The following COMMD1 variants were observed in gnomAD, a reference collection of about 807,000 sequenced individuals.
COMMD1 encodes the protein COMM domain-containing protein 1.
Under a neutral mutation model 17.2 loss-of-function variants are expected in COMMD1, and 10 were observed. That is an observed-to-expected ratio of 0.58 (90% confidence interval 0.36 to 0.99). The LOEUF (loss-of-function observed/expected upper bound fraction) is 0.99. COMMD1 is among the 50% of genes least tolerant of loss of function. COMMD1 has a pLI of 0.01. For missense variants in COMMD1, 270 were observed against 231.8 expected (o/e 1.17, Z -1.07); for synonymous variants, 97 against 91.6 (o/e 1.06, Z -0.34).
chr2:61,976,688 A>G (rs1011884681), intron 1 of COMMD1, among the ~76,000 whole-genome samples: 3 of 152,230 alleles, frequency 2.0e-5, no homozygotes, highest in Non-Finnish European at 4.4e-5. Context: ...ATGTACTACT[A>G]CAGTGGGAGA....
intron 1 of COMMD1, 148 bp downstream of exon 1, chr2:61,906,006 C>T (rs1213163476): frequency 3.9e-6 from 3 of 778,352 alleles, no homozygotes; most frequent in South Asian, 1.5e-5. Flanking sequence ...CATCGGGCTC[C>T]TTCAGATTTG....
chr2:62,049,864 T>G (rs1205244269), intron 2 of COMMD1, among the ~76,000 whole-genome samples: 1 of 152,130 alleles, frequency 6.6e-6, no homozygotes, highest in African/African-American at 2.4e-5. Context: ...GAACTCTGCT[T>G]TTAAAAGAAA....
At chr2:61,888,687 G>T, upstream of COMMD1, 1 of 678,498 alleles carries the variant, frequency 1.5e-6, no homozygotes, top group Non-Finnish European at 2.4e-6. Context: ...GCGCTGGCGT[G>T]ACGTAGGAGG....
rs71410906 is a variant in COMMD1 at position 61,957,087 on chromosome 2, C to CGCGT, written c.181-43613_181-43612insCGTG. On this transcript the variant is annotated intron_variant, in intron 1 of 2. Coordinates refer to ENST00000311832, the MANE Select transcript of COMMD1 (RefSeq NM_152516.4). ...AGTTTTAATTGAAGGAAGATGGATG[C>CGCGT]GTGTGTGTGTGTGTGTGTGTGTGTG... 4.4e-3 allele frequency among the ~76,000 whole-genome samples: 642 copies of CGCGT among 146,896 alleles called. 2 individuals are homozygous for CGCGT. Among genetic ancestry groups the CGCGT allele is most frequent in the Non-Finnish European group, 7.4e-3 (496 of 66,582 alleles).
intron 1 of COMMD1, among the ~76,000 whole-genome samples, chr2:61,926,338 G>C (rs1195105019): frequency 6.6e-6 from 1 of 152,136 alleles, no homozygotes; most frequent in African/African-American, 2.4e-5. Flanking sequence ...TGTCCCCTTT[G>C]TGAGGTTAGA....
At chr2:62,047,384 G>A (rs887797470) in intron 2 of COMMD1, among the ~76,000 whole-genome samples, 6 of 152,044 alleles carry the variant, frequency 3.9e-5, no homozygotes, top group Admixed American at 1.3e-4. Flanking sequence ...TCACGTTCAC[G>A]GACCACTGAC....
chr2:62,024,178 G>A (rs892207722), intron 2 of COMMD1, among the ~76,000 whole-genome samples: 6 of 151,962 alleles, frequency 3.9e-5, no homozygotes, highest in African/African-American at 7.2e-5. Context: ...AAGTGTTCAC[G>A]GTGATGAAAG....
chr2:61,959,934 T>C (rs1316293045), intron 1 of COMMD1, among the ~76,000 whole-genome samples: 2 of 152,176 alleles, frequency 1.3e-5, no homozygotes, highest in Admixed American at 6.5e-5. Flanking sequence ...CTTTACCCGA[T>C]TGGCTGTTAG....
At chr2:61,929,985 A>G (rs1162558476) in intron 1 of COMMD1, among the ~76,000 whole-genome samples, 1 of 151,782 alleles carries the variant, frequency 6.6e-6, no homozygotes, top group Non-Finnish European at 1.5e-5. Flanking sequence ...ATCATAAGGG[A>G]CTCAGCCATA....
At chr2:62,044,561 T>C (rs1670327599) in intron 2 of COMMD1, among the ~76,000 whole-genome samples, 1 of 152,212 alleles carries the variant, frequency 6.6e-6, no homozygotes, top group African/African-American at 2.4e-5. Context: ...GTGCCTTTCC[T>C]CCAAAAAAGC....
At chr2:62,009,188 T>C (rs1669209907) in intron 2 of COMMD1, among the ~76,000 whole-genome samples, 1 of 152,232 alleles carries the variant, frequency 6.6e-6, no homozygotes, top group South Asian at 2.1e-4. Flanking sequence ...ATGAGTCAAC[T>C]CTTTTTGTAG....
chr2:61,919,924 C>T (rs556535465), intron 1 of COMMD1, among the ~76,000 whole-genome samples: 7 of 151,720 alleles, frequency 4.6e-5, no homozygotes, highest in African/African-American at 9.7e-5. Flanking sequence ...GCCAGGAGTT[C>T]GAGACCAGCC....
chr2:62,069,075 A>G (rs893961409), intron 2 of COMMD1, among the ~76,000 whole-genome samples: 2 of 152,016 alleles, frequency 1.3e-5, no homozygotes, highest in Admixed American at 6.5e-5. Flanking sequence ...ATTTACGAAA[A>G]CTTTGCTTTG....
At chr2:62,021,129 G>A (rs1443459202) in intron 2 of COMMD1, among the ~76,000 whole-genome samples, 3 of 152,190 alleles carry the variant, frequency 2.0e-5, no homozygotes, top group Non-Finnish European at 4.4e-5. Flanking sequence ...CACCAAGGTT[G>A]AATTTTATAG....
Position 61,939,476 on chromosome 2 carries a change from GA to G in COMMD1, c.180+33630del, listed in dbSNP as rs796461790. Among the ~76,000 whole-genome samples the G allele has an allele frequency of 2.9e-3, 389 of 135,368 alleles. 5 individuals are homozygous for G. Among genetic ancestry groups the G allele is most frequent in the African/African-American group, 8.6e-3 (320 of 37,098 alleles). The allele number at this position is 135,368 out of a possible 152,430, so 88.8% of individuals were successfully genotyped here. A position where few individuals can be genotyped will look rare whatever the true frequency, so the allele number is the denominator to read the frequency against. ...GCAAGACTCCGTCTCAGAAAAAAAAGAAAAAAAAAAAAGAATTGATTGGCTA... is the reference window on the plus strand; with the variant it reads ...GCAAGACTCCGTCTCAGAAAAAAAAGAAAAAAAAAAAGAATTGATTGGCTA... On this transcript the variant is annotated intron_variant, in intron 1 of 2. Transcript: ENST00000311832.
chr2:61,927,215 C>G (rs1215777703), intron 1 of COMMD1, among the ~76,000 whole-genome samples: 1 of 152,168 alleles, frequency 6.6e-6, no homozygotes, highest in East Asian at 1.9e-4. Flanking sequence ...CTTCAGGCTA[C>G]CTTTTTTGTG....
At chr2:62,024,730 T>G (rs1310941075) in intron 2 of COMMD1, among the ~76,000 whole-genome samples, 3 of 152,200 alleles carry the variant, frequency 2.0e-5, no homozygotes, top group Admixed American at 1.3e-4. Context: ...TCAGAATATT[T>G]GCCTTATAAG....
intron 2 of COMMD1, among the ~76,000 whole-genome samples, chr2:62,113,027 A>T (rs1021251764): frequency 6.6e-6 from 1 of 152,014 alleles, no homozygotes; most frequent in Non-Finnish European, 1.5e-5. Flanking sequence ...CTGAGAAGAG[A>T]TTTTTCTCCT....
At chr2:62,133,407 G>T (rs749185877) in intron 2 of COMMD1, among the ~76,000 whole-genome samples, 6 of 152,002 alleles carry the variant, frequency 3.9e-5, no homozygotes, top group Non-Finnish European at 8.8e-5. Context: ...GTATCGTAGG[G>T]GACGAAAAAG....
Sources: allele counts gnomAD v4.1 joint callset (sites outside exome capture counted in the v4.1 genomes callset), GRCh38; gene constraint gnomAD v4.1.1; transcripts MANE v1.5; gene names NCBI Gene and HGNC (gene_info 2026-07-23, HGNC 2026-07-21).